The following CNOT4 variants were observed in gnomAD, a reference collection of about 807,000 sequenced individuals.
CNOT4 encodes the protein CCR4-NOT transcription complex subunit 4.
A neutral mutation model predicts 73.8 loss-of-function variants in CNOT4; 8 were observed. The observed-to-expected ratio is 0.11, with a 90% CI of 0.06 to 0.20. CNOT4 has a LOEUF of 0.20. CNOT4 is among the 10% of genes least tolerant of loss of function. CNOT4 has a pLI of 1.00. For synonymous variants in CNOT4, 293 were observed against 321.1 expected, an observed-to-expected ratio of 0.91 and a Z score of 0.94; for missense variants, 564 against 883.4, an observed-to-expected ratio of 0.64 and a Z score of 4.58.
chr7:135,501,154 T>G (rs1803938409), intron 1 of CNOT4, among the ~76,000 whole-genome samples: 1 of 151,890 alleles, frequency 6.6e-6, no homozygotes, highest in African/African-American at 2.4e-5. Context: ...CTAGCTAATT[T>G]TTGTATTTTT....
chr7:135,457,411 C>T (rs985394976), intron 1 of CNOT4, among the ~76,000 whole-genome samples: 6 of 151,974 alleles, frequency 3.9e-5, no homozygotes, highest in African/African-American at 1.4e-4. Context: ...CCAATGCATG[C>T]TTTTGTGGAA....
At chr7:135,429,074 C>A (rs1798672911) in intron 2 of CNOT4, among the ~76,000 whole-genome samples, 1 of 152,132 alleles carries the variant, frequency 6.6e-6, no homozygotes, top group African/African-American at 2.4e-5. Context: ...TTCTAAAATA[C>A]AGAAGGGGAA....
At chr7:135,432,893 C>A (rs1013894002) in intron 2 of CNOT4, among the ~76,000 whole-genome samples, 1 of 152,180 alleles carries the variant, frequency 6.6e-6, no homozygotes, top group Non-Finnish European at 1.5e-5. Context: ...TGAAACGATT[C>A]GGATTCCTTG....
At chr7:135,496,525 T>C (rs758470690) in intron 1 of CNOT4, among the ~76,000 whole-genome samples, 2 of 152,170 alleles carry the variant, frequency 1.3e-5, no homozygotes, top group Non-Finnish European at 2.9e-5. Flanking sequence ...TCTTTCTCTA[T>C]TCTCATTCTC....
chr7:135,436,149 T>A (rs1799141318), intron 2 of CNOT4, among the ~76,000 whole-genome samples: 1 of 72 alleles, frequency 0.014, no homozygotes, highest in East Asian at 0.5. Context: ...TTTATTCATA[T>A]CAAGCTTGCT....
rs113124359 is a variant in CNOT4 at position 135,505,277 on chromosome 7, G to A, written c.-93+4612C>T. Reference sequence around the variant, plus strand: ...TAATAAAGAAGCCGTACTTGAGGCCGGGCACAGTGGCTCACACCTGTAATC... The same window carrying A: ...TAATAAAGAAGCCGTACTTGAGGCCAGGCACAGTGGCTCACACCTGTAATC... On this transcript the variant is annotated intron_variant, in intron 1 of 11. Transcript: ENST00000541284. 5.9e-5 allele frequency among the ~76,000 whole-genome samples: 9 copies of A among 152,202 alleles called. 1 individual carries two copies. The highest frequency in any genetic ancestry group is 1.4e-4 in the African/African-American group (6 of 41,524).
chr7:135,487,737 T>A (rs1004627740), intron 1 of CNOT4, among the ~76,000 whole-genome samples: 2 of 152,162 alleles, frequency 1.3e-5, no homozygotes, highest in Non-Finnish European at 2.9e-5. Context: ...TATTAGATTG[T>A]GGAATACTTT....
At chr7:135,410,421 T>C in intron 7 of CNOT4, 94 bp downstream of exon 7, 1 of 833,168 alleles carries the variant, frequency 1.2e-6, no homozygotes, top group Non-Finnish European at 1.8e-6. Context: ...ACAGACCTTG[T>C]CAACAAGGAT....
At chr7:135,432,870 C>T (rs1002402604) in intron 2 of CNOT4, among the ~76,000 whole-genome samples, 4 of 152,174 alleles carry the variant, frequency 2.6e-5, no homozygotes, top group African/African-American at 7.2e-5. Context: ...TGAAGTCTTG[C>T]TATTGAGAAA....
intron 2 of CNOT4, among the ~76,000 whole-genome samples, chr7:135,425,905 A>G (rs1175479317): frequency 6.6e-6 from 1 of 152,144 alleles, no homozygotes; most frequent in Non-Finnish European, 1.5e-5. Context: ...ATAAACTAAT[A>G]CAATAAAATA....
rs572122018 is a variant in CNOT4, at chr7:135,462,006, T to G, written c.-92-23583A>C. 7.2e-5 allele frequency among the ~76,000 whole-genome samples: 11 copies of G among 152,114 alleles called. No individual in the cohort carries two copies. The East Asian group carries it at 2.1e-3, about 29-fold the overall frequency. On this transcript the variant is annotated intron_variant, in intron 1 of 11. Coordinates refer to ENST00000541284, the MANE Select transcript of CNOT4 (RefSeq NM_001190850.2). ...AGAACTGCGACAGTCCAGAGATTTA[T>G]TAAAAGAAAGAATATCCGTCTTAAG... is the stretch of plus-strand genomic sequence containing the variant.
chr7:135,482,654 G>T (rs1425718993), intron 1 of CNOT4, among the ~76,000 whole-genome samples: 1 of 150,916 alleles, frequency 6.6e-6, no homozygotes, highest in Non-Finnish European at 1.5e-5. Context: ...AAGAAAGAAA[G>T]AAAGAAAAAC....
chr7:135,370,672 G>A (rs1795151684), intron 10 of CNOT4, among the ~76,000 whole-genome samples: 1 of 152,198 alleles, frequency 6.6e-6, no homozygotes. Context: ...CAAGATATCT[G>A]CAGACTTGAG....
chr7:135,473,639 T>C (rs1801788322), intron 1 of CNOT4, among the ~76,000 whole-genome samples: 1 of 152,030 alleles, frequency 6.6e-6, no homozygotes, highest in Non-Finnish European at 1.5e-5. Context: ...CCCAGCTACT[T>C]GGGAGGCTAA....
At chr7:135,474,520 G>A (rs905695021) in intron 1 of CNOT4, among the ~76,000 whole-genome samples, 23 of 150,482 alleles carry the variant, frequency 1.5e-4, no homozygotes, top group African/African-American at 5.1e-4. Flanking sequence ...CAAGTGATCC[G>A]CCCACAGTGG....
intron 10 of CNOT4, among the ~76,000 whole-genome samples, chr7:135,367,665 A>G (rs145805927): frequency 1.3e-5 from 2 of 152,344 alleles, no homozygotes; most frequent in African/African-American, 4.8e-5. Flanking sequence ...AGCCCTGTGT[A>G]CTAGTCTCCT....
Position 135,363,078 on chromosome 7 carries a change from G to A in CNOT4, c.1949C>T (p.Ala650Val), listed in dbSNP as rs1375594532. Residue 650 changes from alanine (A) to valine (V), a missense_variant, in exon 12 of 12, where the codon GCT (alanine) becomes GTT (valine). By Grantham distance (64) the Ala-to-Val change is moderately conservative (BLOSUM62 0). This residue lies in a region of CNOT4 where 88 missense variants were observed against 94.7 expected (regional missense o/e 0.93). Coordinates refer to ENST00000541284, the MANE Select transcript of CNOT4 (RefSeq NM_001190850.2). The surrounding 1 kb of genome is among the most constrained non-coding windows in gnomAD (Gnocchi z 4.3). ...ALTEMDGPSA[A>V]PSQTHHSAPF... ...GGCGCTGTGGTGGGTCTGTGATGGA[G>A]CAGCGCTGGGGCCGTCCATCTCTGT... The A allele has an allele frequency of 6.2e-7, 1 of 1,614,104 alleles. No individual in the cohort carries two copies. Among genetic ancestry groups the A allele is most frequent in the South Asian group, 1.1e-5 (1 of 91,074 alleles).
At chr7:135,444,887 C>G in intron 1 of CNOT4, 2 of 1,596,184 alleles carry the variant, frequency 1.3e-6, no homozygotes, top group Non-Finnish European at 1.7e-6. Flanking sequence ...TCAACTATCA[C>G]GATGTGGGCA....
At chr7:135,402,728 ATC>A (rs1563028104) in intron 7 of CNOT4, among the ~76,000 whole-genome samples, 2 of 152,194 alleles carry the variant, frequency 1.3e-5, no homozygotes, top group African/African-American at 4.8e-5. Flanking sequence ...AGATAAAGAA[ATC>A]AAATTCAAAA....
Sources: allele counts gnomAD v4.1 joint callset (sites outside exome capture counted in the v4.1 genomes callset), GRCh38; gene constraint gnomAD v4.1.1; regional missense constraint gnomAD v4.1.1; non-coding constraint Gnocchi (gnomAD v3.1); transcripts MANE v1.5; gene names NCBI Gene and HGNC (gene_info 2026-07-23, HGNC 2026-07-21).